The following NFATC1 variants were observed in gnomAD, a reference collection of about 807,000 sequenced individuals.
NFATC1 encodes the protein nuclear factor of activated T-cells, cytoplasmic 1.
NFATC1 carries 22 observed loss-of-function variants against 76.0 expected under a neutral mutation model. The observed-to-expected ratio is 0.29, with a 90% CI of 0.21 to 0.41. NFATC1 has a LOEUF of 0.41. Among genes scored for constraint, NFATC1 ranks in the 10% least tolerant of loss-of-function variants. The pLI is 1.00. For missense variants in NFATC1, 1,357 were observed against 1,337.7 expected (o/e 1.01, Z -0.23); for synonymous variants, 704 against 613.1 (o/e 1.15, Z -2.19).
chr18:79,526,754 C>T (rs111498447), intron 9 of NFATC1, among the ~76,000 whole-genome samples: 6,711 of 152,328 alleles, frequency 0.044, 231 homozygotes, highest in Non-Finnish European at 0.064. Flanking sequence ...ATGAAATGCA[C>T]ACTACTAATT....
rs557501362 is a variant in NFATC1 at position 79,473,795 on chromosome 18, C to T, written c.2092+6213C>T. ...GCTGTCGACATAAACCTGAGGGAAG[C>T]GTGTTCTCACGCTCACTGTTGACGT... is the stretch of plus-strand genomic sequence containing the variant. On this transcript the variant is annotated intron_variant, in intron 8 of 9. Coordinates refer to ENST00000427363, the MANE Select transcript of NFATC1 (RefSeq NM_001278669.2). Among the ~76,000 whole-genome samples, 113 of 147,910 alleles carry T rather than the reference C, an allele frequency of 7.6e-4. 1 individual carries two copies. The highest frequency in any genetic ancestry group is 2.8e-3 in the African/African-American group (111 of 39,406).
chr18:79,454,902 C>A (rs1230938845), intron 6 of NFATC1, among the ~76,000 whole-genome samples: 1 of 152,194 alleles, frequency 6.6e-6, no homozygotes, highest in African/African-American at 2.4e-5. Flanking sequence ...ACCTGCACCC[C>A]TCCCGCCTGT....
chr18:79,474,722 G>T (rs1160809367), intron 8 of NFATC1, among the ~76,000 whole-genome samples: 1 of 142,256 alleles, frequency 7.0e-6, no homozygotes, highest in African/African-American at 2.7e-5. Context: ...GTGTTCTCAC[G>T]CTCACTGTCG....
At chr18:79,436,216 C>T (rs1386269931) in intron 3 of NFATC1, among the ~76,000 whole-genome samples, 1 of 152,220 alleles carries the variant, frequency 6.6e-6, no homozygotes, top group Non-Finnish European at 1.5e-5. Context: ...TTTTCAGAAA[C>T]GAGGCTCATC....
intron 9 of NFATC1, among the ~76,000 whole-genome samples, chr18:79,499,879 G>A (rs2145131875): frequency 6.6e-6 from 1 of 152,230 alleles, no homozygotes; most frequent in South Asian, 2.1e-4. Flanking sequence ...TAGAAACAAT[G>A]AACTGTCAGT....
intron 8 of NFATC1, among the ~76,000 whole-genome samples, chr18:79,472,610 G>A (rs898103510): frequency 6.6e-6 from 1 of 152,178 alleles, no homozygotes; most frequent in Non-Finnish European, 1.5e-5. Flanking sequence ...GCCTGGGTGG[G>A]CCTTGAACAC....
intron 8 of NFATC1, among the ~76,000 whole-genome samples, chr18:79,480,611 C>G (rs535244349): frequency 6.6e-6 from 1 of 152,126 alleles, no homozygotes; most frequent in Non-Finnish European, 1.5e-5. Context: ...CCGGTACCAC[C>G]GCGGTTTTAA....
intron 8 of NFATC1, among the ~76,000 whole-genome samples, chr18:79,483,493 C>G (rs1447085128): frequency 4.5e-5 from 6 of 133,636 alleles, no homozygotes; most frequent in Middle Eastern, 4.6e-3. Flanking sequence ...CCGGCGTGAC[C>G]TGGTTCCTGG....
chr18:79,433,486 C>T (rs780896792), intron 2 of NFATC1, 93 bp from the exon 3 acceptor site: 1 of 1,442,278 alleles, frequency 6.9e-7, no homozygotes, highest in Non-Finnish European at 9.7e-7. Flanking sequence ...GATGAAGTGT[C>T]CACCCAAGAT....
At chr18:79,493,507 C>T (rs1216338725) in intron 9 of NFATC1, 1 of 146,926 alleles carries the variant, frequency 6.8e-6, no homozygotes, top group Non-Finnish European at 1.5e-5. Context: ...CCCTCAGAAG[C>T]ACTTGGGTTT....
intron 8 of NFATC1, 81 bp from the exon 9 acceptor site, chr18:79,486,167 G>A (rs1391713522): frequency 2.8e-5 from 38 of 1,349,424 alleles, no homozygotes; most frequent in Non-Finnish European, 3.8e-5. Flanking sequence ...TGGTTTTGCG[G>A]AGGGTGCCCC....
At chr18:79,456,826 T>C (rs1414621626) in intron 6 of NFATC1, among the ~76,000 whole-genome samples, 1 of 152,178 alleles carries the variant, frequency 6.6e-6, no homozygotes, top group African/African-American at 2.4e-5. Flanking sequence ...TGGTGTGCCC[T>C]CTGACGGGGC....
At chr18:79,413,108 C>T (rs947554946) in intron 2 of NFATC1, among the ~76,000 whole-genome samples, 72 of 152,326 alleles carry the variant, frequency 4.7e-4, no homozygotes, top group African/African-American at 1.7e-3. Context: ...TCATGTACAA[C>T]GCGCTTCATG....
At chr18:79,483,732 G>GGGTGTCACTCCGGCGTGACCTTGT (rs2089403082) in intron 8 of NFATC1, among the ~76,000 whole-genome samples, 11 of 139,482 alleles carry the variant, frequency 7.9e-5, no homozygotes, top group African/African-American at 3.0e-4. Context: ...GCGTGACCTG[G>GGGTGTCACTCCGGCGTGACCTTGT]TCCTGGGGTG....
At chr18:79,462,014 G>C (rs573143773) in intron 7 of NFATC1, among the ~76,000 whole-genome samples, 15 of 152,326 alleles carry the variant, frequency 9.8e-5, no homozygotes, top group African/African-American at 3.6e-4. Flanking sequence ...TCACACTTCT[G>C]CTGTCACCGG....
At position 79,498,635 on chromosome 18, in the gene NFATC1, A is replaced by C. The variant is rs537948506; in HGVS notation, c.2782+11698A>C. Among the ~76,000 whole-genome samples the C allele has an allele frequency of 2.4e-3, 362 of 152,364 alleles. 2 individuals are homozygous for C. Among genetic ancestry groups the C allele is most frequent in the Non-Finnish European group, 4.0e-3 (271 of 68,038 alleles). Reference sequence around the variant, plus strand: ...AAGAAATAATGGCCCCAAACTTCCTAAATTTGATGGAAAACATTATTCAGT... The same window carrying C: ...AAGAAATAATGGCCCCAAACTTCCTCAATTTGATGGAAAACATTATTCAGT... On this transcript the variant is annotated intron_variant, in intron 9 of 9. Coordinates refer to ENST00000427363, the MANE Select transcript of NFATC1 (RefSeq NM_001278669.2).
At chr18:79,461,257 G>T in intron 6 of NFATC1, 54 bp from the exon 7 acceptor site, 1 of 1,605,188 alleles carries the variant, frequency 6.2e-7, no homozygotes, top group Non-Finnish European at 8.5e-7. Context: ...GGTGTCTGGG[G>T]AGGGGGCTCC....
In NFATC1 at chr18:79,512,389, C is replaced by T. The variant is rs1026056191; in HGVS notation, c.2783-15139C>T. The stretch of plus-strand genomic sequence containing the variant: ...CTAAGGCTTAGGGATTTTATGAGAA[C>T]GGCAGCCACTCCGCCACACCCACAC... On this transcript the variant is annotated intron_variant, in intron 9 of 9. Transcript: ENST00000427363. Among the ~76,000 whole-genome samples, 11 of 152,290 alleles carry T rather than the reference C, an allele frequency of 7.2e-5. No homozygotes were observed. In the East Asian group the frequency reaches 9.6e-4, roughly 13 times the overall value.
chr18:79,445,794 C>G (rs906465949), intron 3 of NFATC1, among the ~76,000 whole-genome samples: 1 of 152,228 alleles, frequency 6.6e-6, no homozygotes, highest in Non-Finnish European at 1.5e-5. Flanking sequence ...GCAGCTCAGA[C>G]TATGGGGTGG....
Sources: gnomAD v4.1 joint callset for allele counts (sites outside exome capture counted in the v4.1 genomes callset) on GRCh38, gnomAD v4.1.1 for gene constraint, MANE v1.5 for transcripts, NCBI Gene and HGNC (gene_info 2026-07-23, HGNC 2026-07-21) for gene names.